The following PLD5 variants were observed in gnomAD, a reference collection of about 807,000 sequenced individuals.
The protein encoded by PLD5 is phospholipase D family member 5.
In PLD5, 36 loss-of-function variants were observed where a neutral mutation model predicts 61.1. That is an observed-to-expected ratio of 0.59 (90% CI 0.45 to 0.78). PLD5 has a LOEUF of 0.78. PLD5 is among the 30% of genes least tolerant of loss of function. The pLI is 0.00. For missense variants in PLD5, 515 were observed against 644.4 expected (o/e 0.80, Z 2.17); for synonymous variants, 243 against 242.8 (o/e 1.00, Z -0.01).
intron 5 of PLD5, among the ~76,000 whole-genome samples, chr1:242,144,836 T>A (rs1446125031): frequency 3.9e-5 from 6 of 152,034 alleles, no homozygotes; most frequent in Non-Finnish European, 8.8e-5. Flanking sequence ...CTCCTGGGTT[T>A]CTTAAGTGGG....
chr1:242,507,226 G>A (rs1004798913), intron 1 of PLD5, among the ~76,000 whole-genome samples: 2 of 152,188 alleles, frequency 1.3e-5, no homozygotes, highest in Admixed American at 6.5e-5. Flanking sequence ...AAAAACAGCA[G>A]GCCTTTGGCA....
At chr1:242,296,114 T>C (rs1368621191) in intron 2 of PLD5, among the ~76,000 whole-genome samples, 1 of 152,178 alleles carries the variant, frequency 6.6e-6, no homozygotes, top group Non-Finnish European at 1.5e-5. Context: ...CTCAGTGACA[T>C]GCTGTGCTCA....
At chr1:242,254,475 G>C (rs2149087388) in intron 4 of PLD5, among the ~76,000 whole-genome samples, 1 of 152,208 alleles carries the variant, frequency 6.6e-6, no homozygotes, top group South Asian at 2.1e-4. Flanking sequence ...TTCAACACCA[G>C]CCTGGCCAAC....
chr1:242,338,170 G>A (rs1198717156), intron 2 of PLD5, among the ~76,000 whole-genome samples: 1 of 152,074 alleles, frequency 6.6e-6, no homozygotes, highest in Non-Finnish European at 1.5e-5. Context: ...TTCTGATTAG[G>A]AAAATTTCTA....
chr1:242,403,186 G>A (rs115889226), intron 1 of PLD5, among the ~76,000 whole-genome samples: 3,057 of 152,260 alleles, frequency 0.02, 93 homozygotes, highest in African/African-American at 0.067. Flanking sequence ...ACTTGCCAGG[G>A]GTGCAGAAGG....
intron 3 of PLD5, among the ~76,000 whole-genome samples, chr1:242,281,689 T>C (rs1336670752): frequency 6.6e-6 from 1 of 152,150 alleles, no homozygotes; most frequent in African/African-American, 2.4e-5. Flanking sequence ...ATTCTTAAGC[T>C]TGTAGAATTC....
intron 1 of PLD5, among the ~76,000 whole-genome samples, chr1:242,454,859 G>A (rs1001192513): frequency 2.0e-5 from 3 of 152,158 alleles, no homozygotes; most frequent in African/African-American, 4.8e-5. Flanking sequence ...TTTGCAGATC[G>A]TCACAGTTTA....
chr1:242,415,493 G>C (rs1033871692), intron 1 of PLD5, among the ~76,000 whole-genome samples: 26 of 149,022 alleles, frequency 1.7e-4, no homozygotes, highest in African/African-American at 4.9e-4. Flanking sequence ...AAAAACAACA[G>C]AAGAATAAGC....
intron 1 of PLD5, among the ~76,000 whole-genome samples, chr1:242,470,378 GAAA>G (rs796211716): frequency 1.6e-5 from 1 of 62,240 alleles, no homozygotes; most frequent in Admixed American, 2.2e-4. Flanking sequence ...AAGAAAGAAA[GAAA>G]AAAAAGAAAG....
intron 3 of PLD5, among the ~76,000 whole-genome samples, chr1:242,268,105 T>C (rs186483662): frequency 1.5e-3 from 235 of 152,300 alleles, no homozygotes; most frequent in African/African-American, 5.5e-3. Context: ...AGGGGCTTTA[T>C]GGTTCTTCCA....
intron 2 of PLD5, among the ~76,000 whole-genome samples, chr1:242,307,214 G>A (rs1676421813): frequency 1.3e-5 from 2 of 152,178 alleles, no homozygotes; most frequent in Non-Finnish European, 1.5e-5. Flanking sequence ...CCTGTCAAAA[G>A]GATGCTGCTG....
intron 4 of PLD5, among the ~76,000 whole-genome samples, chr1:242,220,610 C>T (rs866572254): frequency 1.6e-4 from 25 of 152,152 alleles, no homozygotes; most frequent in African/African-American, 5.5e-4. Context: ...ATCCTGTGAA[C>T]CTTTCACTTG....
At chr1:242,430,057 G>C (rs2102886957) in intron 1 of PLD5, among the ~76,000 whole-genome samples, 1 of 152,222 alleles carries the variant, frequency 6.6e-6, no homozygotes, top group Non-Finnish European at 1.5e-5. Context: ...TGCCACCTTA[G>C]GCTCCACAAG....
chr1:242,484,275 G>A (rs903719622), intron 1 of PLD5, among the ~76,000 whole-genome samples: 4 of 152,030 alleles, frequency 2.6e-5, no homozygotes, highest in Non-Finnish European at 2.9e-5. Flanking sequence ...CCAGGAGCTG[G>A]GTTTTTGAAA....
At chr1:242,091,255 T>C (rs906460677) in intron 9 of PLD5, among the ~76,000 whole-genome samples, 1 of 152,154 alleles carries the variant, frequency 6.6e-6, no homozygotes, top group African/African-American at 2.4e-5. Flanking sequence ...CTTCAACATA[T>C]GAATTTTGGA....
intron 5 of PLD5, among the ~76,000 whole-genome samples, chr1:242,169,333 A>G (rs1341068316): frequency 1.3e-5 from 2 of 152,048 alleles, no homozygotes; most frequent in African/African-American, 4.8e-5. Flanking sequence ...GGGAAGTGCA[A>G]GGGGTCGGGG....
chr1:242,336,111 A>T (rs1254012453), intron 2 of PLD5, among the ~76,000 whole-genome samples: 3 of 152,206 alleles, frequency 2.0e-5, no homozygotes, highest in Non-Finnish European at 4.4e-5. Flanking sequence ...CAGAATTTTT[A>T]AAAATACATT....
chr1:242,199,884 G>A lies in PLD5; in HGVS notation c.735+20104C>T, dbSNP rs188744735. 1.8e-3 allele frequency among the ~76,000 whole-genome samples: 271 copies of A among 152,168 alleles called. 1 individual carries two copies. The highest frequency in any genetic ancestry group is 3.4e-3 in the Middle Eastern group (1 of 294). Reference sequence around the variant, plus strand: ...TCACAGATGAATAGTATTTCATCACGTATAAATACACCACATTTTCTTTAT... The same window carrying A: ...TCACAGATGAATAGTATTTCATCACATATAAATACACCACATTTTCTTTAT... On this transcript the variant is annotated intron_variant, in intron 5 of 9. Coordinates refer to ENST00000536534, the MANE Select transcript of PLD5 (RefSeq NM_001372062.1).
At chr1:242,290,071 C>T (rs1383399136) in intron 2 of PLD5, among the ~76,000 whole-genome samples, 1 of 151,086 alleles carries the variant, frequency 6.6e-6, no homozygotes, top group Non-Finnish European at 1.5e-5. Context: ...CTATGTGCAA[C>T]ACAGAAATGA....
Sources: allele counts gnomAD v4.1 joint callset (sites outside exome capture counted in the v4.1 genomes callset), GRCh38; gene constraint gnomAD v4.1.1; transcripts MANE v1.5; gene names NCBI Gene and HGNC (gene_info 2026-07-23, HGNC 2026-07-21).